PTPRM: variants seen among roughly 807,000 people sequenced by gnomAD.
The protein encoded by PTPRM is protein tyrosine phosphatase receptor type M, also known as receptor-type tyrosine-protein phosphatase mu.
Under a neutral mutation model 186.7 loss-of-function variants are expected in PTPRM, and 47 were observed. The ratio of observed to expected loss-of-function variants is 0.25; its 90% CI spans 0.20 to 0.32. PTPRM has a LOEUF of 0.32. Ranked by LOEUF, PTPRM falls within the 10% of genes least tolerant of loss-of-function variation. The pLI is 1.00. For missense variants in PTPRM, 1,494 were observed against 1,865.0 expected (o/e 0.80, Z 3.66); for synonymous variants, 668 against 674.9 (o/e 0.99, Z 0.16).
At chr18:7,722,146 TG>T (rs1259038401) in intron 1 of PTPRM, among the ~76,000 whole-genome samples, 3 of 152,248 alleles carry the variant, frequency 2.0e-5, no homozygotes, top group Non-Finnish European at 4.4e-5. Context: ...TTCTGTGCTC[TG>T]CTTATTCACC....
intron 32 of PTPRM, among the ~76,000 whole-genome samples, chr18:8,398,416 G>C (rs1343338767): frequency 6.6e-6 from 1 of 152,168 alleles, no homozygotes; most frequent in East Asian, 1.9e-4. Context: ...GAACTCACTG[G>C]AGATGCAAAA....
rs149344518 is a variant in PTPRM, at chr18:8,296,350, G to A, written c.2755-18G>A. ...TTACTGCGCCAAATTGTAATTCTCA[G>A]TCTCACTTTCCTTCTAGAGCTTCTT... On this transcript the variant is annotated intron_variant, in intron 19 of 32. Coordinates refer to ENST00000580170, the MANE Select transcript of PTPRM (RefSeq NM_001105244.2). 9.7e-4 allele frequency: 1,482 copies of A among 1,534,084 alleles called. 11 individuals carry two copies. In the African/African-American group the frequency reaches 0.018, roughly 19 times the overall value.
At chr18:7,946,875 C>A in intron 5 of PTPRM, 1 of 453,588 alleles carries the variant, frequency 2.2e-6, no homozygotes. Context: ...TCTGCTTTCT[C>A]ACTGCCCAAG....
At chr18:7,981,486 A>T (rs1258860102) in intron 7 of PTPRM, among the ~76,000 whole-genome samples, 1 of 152,188 alleles carries the variant, frequency 6.6e-6, no homozygotes, top group Non-Finnish European at 1.5e-5. Flanking sequence ...CATCAATTAA[A>T]GTGTGAGGCA....
At chr18:7,771,138 G>A (rs1382941123) in intron 1 of PTPRM, among the ~76,000 whole-genome samples, 1 of 152,116 alleles carries the variant, frequency 6.6e-6, no homozygotes, top group Non-Finnish European at 1.5e-5. Flanking sequence ...GTGCAATAGT[G>A]GTTTTGTAAA....
At chr18:7,991,537 C>T (rs1036360439) in intron 7 of PTPRM, among the ~76,000 whole-genome samples, 21 of 152,026 alleles carry the variant, frequency 1.4e-4, no homozygotes, top group African/African-American at 4.8e-4. Context: ...ATAATAGAAT[C>T]GCAGGGTCTA....
chr18:8,199,068 A>G (rs1224491451), intron 14 of PTPRM, among the ~76,000 whole-genome samples: 1 of 152,074 alleles, frequency 6.6e-6, no homozygotes, highest in Non-Finnish European at 1.5e-5. Flanking sequence ...CGGCGGGCTC[A>G]TCTTCTCTCG....
chr18:8,307,045 T>C (rs916631979), intron 20 of PTPRM, among the ~76,000 whole-genome samples: 8 of 152,160 alleles, frequency 5.3e-5, no homozygotes, highest in Admixed American at 5.2e-4. Context: ...ATATCTGTTG[T>C]TTTCATAGTC....
intron 2 of PTPRM, among the ~76,000 whole-genome samples, chr18:7,830,931 G>T (rs2045730261): frequency 6.6e-6 from 1 of 152,128 alleles, no homozygotes. Flanking sequence ...GGTTGTTTTT[G>T]GTGTAGGATA....
intron 19 of PTPRM, among the ~76,000 whole-genome samples, chr18:8,293,028 C>T (rs553438153): frequency 6.6e-6 from 1 of 152,224 alleles, no homozygotes; most frequent in Admixed American, 6.5e-5. Context: ...TCTCATGTCC[C>T]TCAGCTGTAA....
At chr18:7,842,324 T>C (rs2046364455) in intron 2 of PTPRM, among the ~76,000 whole-genome samples, 1 of 152,224 alleles carries the variant, frequency 6.6e-6, no homozygotes, top group African/African-American at 2.4e-5. Context: ...GATCATTTTT[T>C]CATTGCCTGG....
At chr18:7,592,320 T>C (rs1391919094) in intron 1 of PTPRM, among the ~76,000 whole-genome samples, 3 of 152,094 alleles carry the variant, frequency 2.0e-5, no homozygotes, top group Non-Finnish European at 4.4e-5. Flanking sequence ...ATAGGGCAAA[T>C]AGAACAAAAT....
chr18:7,602,356 CTTTGGG>C (rs1050866236), intron 1 of PTPRM, among the ~76,000 whole-genome samples: 2 of 151,648 alleles, frequency 1.3e-5, no homozygotes, highest in Non-Finnish European at 2.9e-5. Context: ...CAGTGAGAAG[CTTTGGG>C]TTTGGTTGGA....
At chr18:7,799,434 C>T (rs927591809) in intron 2 of PTPRM, among the ~76,000 whole-genome samples, 1 of 152,090 alleles carries the variant, frequency 6.6e-6, no homozygotes, top group Non-Finnish European at 1.5e-5. Flanking sequence ...TCCATGTGAA[C>T]CTTAAAGGGA....
At chr18:8,348,475 G>A (rs1419447847) in intron 23 of PTPRM, among the ~76,000 whole-genome samples, 1 of 152,276 alleles carries the variant, frequency 6.6e-6, no homozygotes, top group Admixed American at 6.5e-5. Flanking sequence ...GTTCTGGGAA[G>A]AGACCCTTGT....
At chr18:8,193,590 C>T (rs1208814359) in intron 14 of PTPRM, among the ~76,000 whole-genome samples, 7 of 152,234 alleles carry the variant, frequency 4.6e-5, no homozygotes, top group African/African-American at 7.2e-5. Flanking sequence ...GGGCCTCTCG[C>T]GCAGACTCAG....
chr18:8,231,865 A>G (rs995837212), intron 14 of PTPRM, among the ~76,000 whole-genome samples: 10 of 151,996 alleles, frequency 6.6e-5, no homozygotes, highest in African/African-American at 1.2e-4. Flanking sequence ...CCCCCCTGCC[A>G]ACACACACAC....
chr18:7,776,512 CTT>C (rs34343910), intron 2 of PTPRM, among the ~76,000 whole-genome samples: 1 of 145,980 alleles, frequency 6.9e-6, no homozygotes. Context: ...CTTTTTCTTT[CTT>C]TTTTTTTTTA....
intron 19 of PTPRM, among the ~76,000 whole-genome samples, chr18:8,295,533 C>G (rs2095087806): frequency 2.6e-5 from 4 of 152,272 alleles, no homozygotes; most frequent in African/African-American, 9.6e-5. Context: ...TCATCTCTTC[C>G]TCTTTCCCTC....
Sources: allele counts gnomAD v4.1 joint callset (sites outside exome capture counted in the v4.1 genomes callset), GRCh38; gene constraint gnomAD v4.1.1; transcripts MANE v1.5; gene names NCBI Gene and HGNC (gene_info 2026-07-23, HGNC 2026-07-21).